XRCC4: variants seen among roughly 807,000 people sequenced by gnomAD.
XRCC4 encodes X-ray repair cross complementing 4.
Under a neutral mutation model 39.1 loss-of-function variants are expected in XRCC4, and 28 were observed. That is an observed-to-expected ratio of 0.72 (90% CI 0.53 to 0.98). The LOEUF (loss-of-function observed/expected upper bound fraction) is 0.98, where lower values mean the gene tolerates loss of function less well. Ranked by LOEUF, XRCC4 falls within the 50% of genes least tolerant of loss-of-function variation. The pLI is 0.00. For synonymous variants in XRCC4, 123 were observed against 126.4 expected (o/e 0.97, Z 0.18); for missense variants, 350 against 376.4 (o/e 0.93, Z 0.58).
At chr5:83,237,179 T>C (rs1310439689) in intron 6 of XRCC4, among the ~76,000 whole-genome samples, 1 of 152,040 alleles carries the variant, frequency 6.6e-6, no homozygotes, top group Non-Finnish European at 1.5e-5. Context: ...AAAATAGAAC[T>C]ACCTTGGAAT....
At chr5:83,307,113 C>CTAAAG (rs1268352204) in intron 7 of XRCC4, among the ~76,000 whole-genome samples, 2 of 152,220 alleles carry the variant, frequency 1.3e-5, no homozygotes, top group Non-Finnish European at 2.9e-5. Context: ...AGACTTCTTT[C>CTAAAG]TAAAGTATCT....
intron 3 of XRCC4, among the ~76,000 whole-genome samples, chr5:83,174,970 G>A (rs1473105782): frequency 1.3e-5 from 2 of 152,190 alleles, no homozygotes; most frequent in African/African-American, 4.8e-5. Flanking sequence ...AAAGCAGATA[G>A]TCTGATTAAT....
At chr5:83,128,253 T>C (rs1042838765) in intron 3 of XRCC4, among the ~76,000 whole-genome samples, 3 of 152,120 alleles carry the variant, frequency 2.0e-5, no homozygotes, top group Non-Finnish European at 2.9e-5. Flanking sequence ...AATAGTTTGC[T>C]GAGAATGATG....
At chr5:83,327,918 A>G (rs936529418) in intron 7 of XRCC4, among the ~76,000 whole-genome samples, 2 of 152,126 alleles carry the variant, frequency 1.3e-5, no homozygotes, top group African/African-American at 4.8e-5. Context: ...TAGCCAGTGC[A>G]TGCATAGCAC....
chr5:83,093,875 CT>C (rs1179113040), intron 1 of XRCC4, among the ~76,000 whole-genome samples: 2 of 152,126 alleles, frequency 1.3e-5, no homozygotes, highest in Middle Eastern at 6.8e-3. Flanking sequence ...TGGGTAAAGT[CT>C]TCTTGGTTGG....
intron 1 of XRCC4, among the ~76,000 whole-genome samples, chr5:83,082,322 G>T (rs992997382): frequency 1.3e-5 from 2 of 152,136 alleles, no homozygotes; most frequent in Non-Finnish European, 2.9e-5. Flanking sequence ...ACAGAAAGAG[G>T]TTATTAATGG....
At chr5:83,311,511 GA>G (rs1755709290) in intron 7 of XRCC4, among the ~76,000 whole-genome samples, 1 of 151,718 alleles carries the variant, frequency 6.6e-6, no homozygotes, top group African/African-American at 2.4e-5. Context: ...TTAAAAAATA[GA>G]AAAAAATCCT....
In XRCC4 at chr5:83,103,945, T is replaced by C. The variant is rs375054379; in HGVS notation, c.-10-965T>C. 7.9e-5 allele frequency among the ~76,000 whole-genome samples: 12 copies of C among 152,346 alleles called. No homozygotes were observed. The East Asian group carries it at 2.1e-3, about 27-fold the overall frequency. The stretch of plus-strand genomic sequence containing the variant: ...TGAGAATGAATTTTGGGTAGCAATG[T>C]TCTGCTTCTTGATCTAGGTACTACT... On this transcript the variant is annotated intron_variant, in intron 1 of 7. Transcript: ENST00000396027.
At chr5:83,107,382 G>GTT (rs74357038) in intron 2 of XRCC4, among the ~76,000 whole-genome samples, 2 of 150,316 alleles carry the variant, frequency 1.3e-5, no homozygotes, top group Admixed American at 1.3e-4. Context: ...ACCTCATCCT[G>GTT]TTTTTTTTTG....
At chr5:83,187,763 ATCCGTACTGCCCAG>A (rs1425264680) in intron 3 of XRCC4, among the ~76,000 whole-genome samples, 2 of 152,340 alleles carry the variant, frequency 1.3e-5, no homozygotes, top group East Asian at 3.9e-4. Context: ...TTTTTGGTGT[ATCCGTACTGCCCAG>A]TACAGCAACC....
At chr5:83,320,654 T>G (rs563838184) in intron 7 of XRCC4, among the ~76,000 whole-genome samples, 1 of 152,114 alleles carries the variant, frequency 6.6e-6, no homozygotes, top group South Asian at 2.1e-4. Context: ...CACAGCCACT[T>G]AATACCTTTG....
At chr5:83,152,696 G>A (rs866963118) in intron 3 of XRCC4, among the ~76,000 whole-genome samples, 5 of 151,420 alleles carry the variant, frequency 3.3e-5, no homozygotes, top group Admixed American at 6.6e-5. Flanking sequence ...TTAAAAGAAG[G>A]TTTTTGGAAA....
At chr5:83,262,976 G>A (rs13173847) in intron 7 of XRCC4, among the ~76,000 whole-genome samples, 11 of 143,636 alleles carry the variant, frequency 7.7e-5, no homozygotes, top group African/African-American at 1.6e-4. Context: ...TATATCTCCC[G>A]ATGCTATCCC....
intron 7 of XRCC4, among the ~76,000 whole-genome samples, chr5:83,263,026 A>G (rs13173456): frequency 1.8e-4 from 23 of 128,872 alleles, no homozygotes; most frequent in African/African-American, 6.4e-4. Flanking sequence ...CCCAGAGTGT[A>G]GTATTCCCCT....
intron 3 of XRCC4, among the ~76,000 whole-genome samples, chr5:83,163,852 C>T (rs144132223): frequency 6.6e-6 from 1 of 152,188 alleles, no homozygotes; most frequent in Admixed American, 6.5e-5. Context: ...TGAAAATGCT[C>T]TTAGCTTGAG....
intron 6 of XRCC4, among the ~76,000 whole-genome samples, chr5:83,215,407 G>A (rs904702552): frequency 2.6e-5 from 4 of 152,080 alleles, no homozygotes; most frequent in African/African-American, 7.2e-5. Context: ...TCAGTGAGAT[G>A]CCTATCAAAA....
At chr5:83,187,270 A>G (rs1750494910) in intron 3 of XRCC4, among the ~76,000 whole-genome samples, 2 of 152,082 alleles carry the variant, frequency 1.3e-5, no homozygotes, top group African/African-American at 4.8e-5. Context: ...GCAGTTTTGT[A>G]TCTCTCTGTG....
intron 3 of XRCC4, among the ~76,000 whole-genome samples, chr5:83,118,498 A>G (rs552101214): frequency 6.6e-6 from 1 of 152,218 alleles, no homozygotes; most frequent in East Asian, 1.9e-4. Context: ...GGTAGTTTTT[A>G]TTTCATAGTC....
intron 6 of XRCC4, among the ~76,000 whole-genome samples, chr5:83,214,475 A>C (rs116275794): frequency 0.02 from 3,109 of 152,202 alleles, 83 homozygotes; most frequent in African/African-American, 0.069. Flanking sequence ...TAATCCCAGA[A>C]ACTCATGATG....
Sources: gnomAD v4.1 joint callset for allele counts (sites outside exome capture counted in the v4.1 genomes callset) on GRCh38, gnomAD v4.1.1 for gene constraint, MANE v1.5 for transcripts, NCBI Gene and HGNC (gene_info 2026-07-23, HGNC 2026-07-21) for gene names.